NOSIP: variants seen among roughly 807,000 people sequenced by gnomAD.
The protein encoded by NOSIP is nitric oxide synthase-interacting protein.
A neutral mutation model predicts 36.4 loss-of-function variants in NOSIP; 25 were observed. That is an observed-to-expected ratio of 0.69 (90% CI 0.50 to 0.96). The LOEUF (loss-of-function observed/expected upper bound fraction) is 0.96. NOSIP is among the 40% of genes least tolerant of loss of function. NOSIP has a pLI of 0.00. For synonymous variants in NOSIP, 187 were observed against 179.2 expected (o/e 1.04, Z -0.35); for missense variants, 370 against 429.0 (o/e 0.86, Z 1.21).
intron 4 of NOSIP, 165 bp from the exon 5 acceptor site, chr19:49,557,414 G>T: frequency 7.0e-7 from 1 of 1,431,146 alleles, no homozygotes; most frequent in South Asian, 1.5e-5. Context: ...ACCTTACTGC[G>T]TTGTATAGCC....
intron 1 of NOSIP, among the ~76,000 whole-genome samples, chr19:49,570,869 C>T (rs2080475002): frequency 6.6e-6 from 1 of 152,136 alleles, no homozygotes; most frequent in Non-Finnish European, 1.5e-5. Flanking sequence ...CAGAGATGAG[C>T]TTGCTTGCTG....
At chr19:49,557,499 T>C in intron 4 of NOSIP, 1 of 1,309,078 alleles carries the variant, frequency 7.6e-7, no homozygotes, top group Admixed American at 3.4e-5. Context: ...CTGGCCTCAG[T>C]TTCTTCATCT....
chr19:49,560,104 G>T lies in NOSIP; in HGVS notation c.71-65C>A, dbSNP rs1599748360. ...AACAGGAGACATGTCCGTCTCCAAA[G>T]CCCCAGAGAGAGGCACAGAGACAAC... On this transcript the variant is annotated intron_variant, in intron 2 of 8. Coordinates refer to ENST00000596358, the MANE Select transcript of NOSIP (RefSeq NM_001270960.2). The surrounding 1 kb of genome is among the most constrained non-coding windows in gnomAD (Gnocchi z 4.6). 4 of 1,100,436 alleles carry T rather than the reference G, an allele frequency of 3.6e-6. No homozygotes were observed. In the Admixed American group the frequency reaches 6.3e-5, roughly 17 times the overall value. The allele number at this position is 1,100,436 out of a possible 1,614,324, so 68.2% of individuals were successfully genotyped here.
chr19:49,566,079 G>A (rs1380023156), intron 1 of NOSIP, among the ~76,000 whole-genome samples: 4 of 151,508 alleles, frequency 2.6e-5, no homozygotes, highest in Non-Finnish European at 5.9e-5. Context: ...GAGTGCAGTG[G>A]CGCAATCTCG....
At chr19:49,574,078 G>T (rs1473958582) in intron 1 of NOSIP, among the ~76,000 whole-genome samples, 1 of 151,940 alleles carries the variant, frequency 6.6e-6, no homozygotes, top group African/African-American at 2.4e-5. Context: ...GCCAGGCTGG[G>T]TCTTGAACTC....
In NOSIP at chr19:49,556,963, G is replaced by A; in HGVS notation, c.449C>T (p.Pro150Leu). The A allele has an allele frequency of 1.2e-6, 2 of 1,611,952 alleles. No homozygotes were observed. Among genetic ancestry groups the A allele is most frequent in the African/African-American group, 1.3e-5 (1 of 75,000 alleles). The change falls in exon 6 of 9, where the codon CCT becomes CTT. Residue 150 changes from proline (P) to leucine (L), a missense_variant. By Grantham distance (98) the Pro-to-Leu change is moderately conservative (BLOSUM62 -3). Coordinates refer to ENST00000596358, the MANE Select transcript of NOSIP (RefSeq NM_001270960.2). ...DDVQPGPSVG[P>L]PSKDKDKVLP... is the part of the protein sequence containing the mutation. ...CACTTTGTCCTTGTCCTTACTTGGA[G>A]GACCCACACTGGGCCCAGGTTGGAC...
chr19:49,562,227 T>C (rs1450115844), intron 1 of NOSIP, among the ~76,000 whole-genome samples: 3 of 152,176 alleles, frequency 2.0e-5, no homozygotes, highest in African/African-American at 7.2e-5. Flanking sequence ...GTTAAAGCGA[T>C]TCTCCTGCCT....
intron 1 of NOSIP, among the ~76,000 whole-genome samples, chr19:49,561,775 G>A (rs115929576): frequency 0.027 from 4,133 of 151,950 alleles, 164 homozygotes; most frequent in African/African-American, 0.089. Context: ...CCAACTACTC[G>A]GGAGGCTGAG....
chr19:49,557,161 T>A lies in NOSIP; in HGVS notation c.347A>T (p.Glu116Val). The A allele has an allele frequency of 6.2e-7, 1 of 1,611,986 alleles. No individual in the cohort carries two copies. The highest frequency in any genetic ancestry group is 1.1e-5 in the South Asian group (1 of 90,526). The change falls in exon 5 of 9, where the codon GAG becomes GTG. Residue 116 changes from glutamate (E) to valine (V), a missense_variant. Around this residue, in one of 3 missense-constraint regions of NOSIP, gnomAD observed 315 missense variants for 331.9 expected, o/e 0.95. Transcript: ENST00000596358. Reference protein sequence around the residue: ...ASQDHVRGFLEKESAIVSRPL... With the variant: ...ASQDHVRGFLVKESAIVSRPL... The stretch of plus-strand genomic sequence containing the variant: ...CCGGCTCACGATAGCCGACTCCTTC[T>A]CCAGGAAGCCCCGCACATGGTCCTG...
chr19:49,576,677 G>A (rs1451691708), intron 1 of NOSIP, among the ~76,000 whole-genome samples: 1 of 151,806 alleles, frequency 6.6e-6, no homozygotes, highest in African/African-American at 2.4e-5. Context: ...CTGAGGTTGG[G>A]AATTCGAGAC....
intron 3 of NOSIP, 78 bp downstream of exon 3, chr19:49,559,856 G>A (rs1047348379): frequency 2.9e-6 from 3 of 1,037,902 alleles, no homozygotes; most frequent in Non-Finnish European, 4.4e-6. Context: ...CAGGTGGCCA[G>A]ACCCACGCAC....
At chr19:49,559,026 C>A (rs777545441) in intron 3 of NOSIP, 48 bp from the exon 4 acceptor site, 6 of 1,487,204 alleles carry the variant, frequency 4.0e-6, no homozygotes, top group Non-Finnish European at 5.6e-6. Flanking sequence ...ATCCTCCCGC[C>A]TCGGCCTCCC....
chr19:49,571,478 C>T (rs774682615), intron 1 of NOSIP, among the ~76,000 whole-genome samples: 1 of 152,154 alleles, frequency 6.6e-6, no homozygotes, highest in Non-Finnish European at 1.5e-5. Context: ...CTGCCATCTG[C>T]TGTCACCAGC....
chr19:49,561,689 C>T (rs2080336671), intron 1 of NOSIP, among the ~76,000 whole-genome samples: 1 of 152,084 alleles, frequency 6.6e-6, no homozygotes, highest in Non-Finnish European at 1.5e-5. Flanking sequence ...CAAGATCAGC[C>T]TGGCCAACAT....
intron 1 of NOSIP, among the ~76,000 whole-genome samples, chr19:49,577,066 C>A (rs1353208161): frequency 2.0e-5 from 3 of 151,948 alleles, no homozygotes; most frequent in Non-Finnish European, 4.4e-5. Context: ...TAAAAGACAC[C>A]AGTTCACACC....
At chr19:49,561,328 G>A (rs1460667874) in intron 1 of NOSIP, among the ~76,000 whole-genome samples, 6 of 152,200 alleles carry the variant, frequency 3.9e-5, no homozygotes, top group East Asian at 1.9e-4. Flanking sequence ...GCAGGTAAAG[G>A]AGGAAGAGAA....
In NOSIP at chr19:49,576,494, T is replaced by C. The variant is rs1285050283; in HGVS notation, c.-2+4021A>G. ...TGGGAGGCTGAGGCAGGAGGATCAC[T>C]TGATCCCAGGAGGTTGAGGCTGCAG... On this transcript the variant is annotated intron_variant, in intron 1 of 8. Coordinates refer to ENST00000596358, the MANE Select transcript of NOSIP (RefSeq NM_001270960.2). 6.6e-6 allele frequency among the ~76,000 whole-genome samples: 1 copy of C among 151,888 alleles called. No homozygotes were observed. Among genetic ancestry groups the C allele is most frequent in the Middle Eastern group, 3.2e-3 (1 of 316 alleles).
rs764812182 is a variant in NOSIP, at chr19:49,556,532, C to T, written c.725+17G>A. Reference sequence around the variant, plus strand: ...GGTTCCCGAGTGGTCCCTTCCCTCCCCTCCCAGGTGACTCACGAGGGCCGC... The same window carrying T: ...GGTTCCCGAGTGGTCCCTTCCCTCCTCTCCCAGGTGACTCACGAGGGCCGC... On this transcript the variant is annotated intron_variant, in intron 7 of 8. Coordinates refer to ENST00000596358, the MANE Select transcript of NOSIP (RefSeq NM_001270960.2). 3.7e-6 allele frequency: 6 copies of T among 1,604,340 alleles called. No individual in the cohort carries two copies. The Admixed American group carries it at 6.7e-5, about 18-fold the overall frequency.
intron 1 of NOSIP, among the ~76,000 whole-genome samples, chr19:49,578,536 C>A (rs1367849159): frequency 6.6e-6 from 1 of 152,108 alleles, no homozygotes; most frequent in Non-Finnish European, 1.5e-5. Context: ...CTCAATGGCT[C>A]ACACCTGTAA....
Sources: gnomAD v4.1 joint callset for allele counts (sites outside exome capture counted in the v4.1 genomes callset) on GRCh38, gnomAD v4.1.1 for gene constraint, gnomAD v4.1.1 regional missense constraint, Gnocchi (gnomAD v3.1) non-coding constraint, MANE v1.5 for transcripts, NCBI Gene and HGNC (gene_info 2026-07-23, HGNC 2026-07-21) for gene names.